Variants in LRRC7 observed in about 807,000 individuals in gnomAD.
LRRC7 encodes the protein leucine-rich repeat-containing protein 7.
LRRC7 carries 23 observed loss-of-function variants against 175.7 expected under a neutral mutation model. The observed-to-expected ratio is 0.13, with a 90% confidence interval of 0.09 to 0.19. The LOEUF (loss-of-function observed/expected upper bound fraction) is 0.19, where lower values mean the gene tolerates loss of function less well. Among genes scored for constraint, LRRC7 ranks in the 10% least tolerant of loss-of-function variants. The pLI, the probability that LRRC7 is intolerant of heterozygous loss-of-function variation, is 1.00. For missense variants in LRRC7, 1,354 were observed against 1,904.7 expected (o/e 0.71, Z 5.38); for synonymous variants, 685 against 680.9 (o/e 1.01, Z -0.09).
At chr1:69,677,242 TTA>T (rs984552724) in intron 1 of LRRC7, among the ~76,000 whole-genome samples, 32 of 146,872 alleles carry the variant, frequency 2.2e-4, no homozygotes, top group African/African-American at 6.6e-4. Flanking sequence ...ATTATATATG[TTA>T]TATATATATC....
chr1:69,717,572 A>C (rs560220503), intron 2 of LRRC7, among the ~76,000 whole-genome samples: 26 of 151,698 alleles, frequency 1.7e-4, no homozygotes, highest in African/African-American at 6.3e-4. Context: ...ATAAAGTGGC[A>C]CACGCTTATC....
chr1:69,964,354 C>A (rs1651447348), intron 8 of LRRC7, among the ~76,000 whole-genome samples: 1 of 152,158 alleles, frequency 6.6e-6, no homozygotes. Flanking sequence ...GAAACTGAGC[C>A]AAGATAAGTC....
In LRRC7 at chr1:70,131,785, T is replaced by C. The variant is rs2102269484; in HGVS notation, c.*9898T>C. Among the ~76,000 whole-genome samples the C allele has an allele frequency of 6.6e-6, 1 of 152,236 alleles. No homozygotes were observed. The highest frequency in any genetic ancestry group is 2.1e-4 in the South Asian group (1 of 4,822). ...ATAGCCCAGTGTCTATACATTTACA[T>C]GGGTAAAAGAATGCCAATGTCTCTT... On this transcript the variant is annotated 3_prime_UTR_variant, in exon 27 of 27. Coordinates refer to ENST00000651989, the MANE Select transcript of LRRC7 (RefSeq NM_001370785.2).
intron 1 of LRRC7, among the ~76,000 whole-genome samples, chr1:69,646,342 A>G (rs999020797): frequency 5.3e-5 from 8 of 152,022 alleles, no homozygotes; most frequent in Admixed American, 5.2e-4. Context: ...ATTTTTCTTC[A>G]TCTTTTTGGA....
intron 8 of LRRC7, among the ~76,000 whole-genome samples, chr1:69,967,744 G>C (rs1242198475): frequency 1.3e-5 from 2 of 152,086 alleles, no homozygotes; most frequent in African/African-American, 4.8e-5. Context: ...ACATTCCTAG[G>C]GAAAGGAGGA....
intron 4 of LRRC7, among the ~76,000 whole-genome samples, chr1:69,808,214 G>A (rs747028217): frequency 2.6e-4 from 40 of 151,166 alleles, no homozygotes; most frequent in Non-Finnish European, 4.3e-4. Context: ...TTTTTTCAAG[G>A]TTCTTAGCTT....
At chr1:69,789,117 C>T (rs1674824415) in intron 3 of LRRC7, among the ~76,000 whole-genome samples, 1 of 152,048 alleles carries the variant, frequency 6.6e-6, no homozygotes, top group African/African-American at 2.4e-5. Flanking sequence ...GAGAAGACAT[C>T]TAACTGCTGT....
Position 70,038,237 on chromosome 1 carries a change from A to G in LRRC7, c.2413A>G (p.Asn805Asp). The G allele has an allele frequency of 1.9e-6, 3 of 1,614,138 alleles. No individual in the cohort carries two copies. Among genetic ancestry groups the G allele is most frequent in the South Asian group, 2.2e-5 (2 of 91,078 alleles). The change falls in exon 21 of 27, where the codon AAC (asparagine) becomes GAC (aspartate). Residue 805 changes from asparagine to aspartate, a missense_variant. Around this residue, in one of 4 missense-constraint regions of LRRC7, gnomAD observed 1,032 missense variants for 1,227.2 expected, o/e 0.84. Transcript: ENST00000651989. ...RLPMSDTFTD[N>D]WTDGSHYDNT... ...GCCCATGAGTGATACTTTCACTGACAACTGGACTGATGGCTCGCATTATGA... is the reference window on the plus strand; with the variant it reads ...GCCCATGAGTGATACTTTCACTGACGACTGGACTGATGGCTCGCATTATGA...
At chr1:69,692,106 C>T (rs1661964095) in intron 2 of LRRC7, among the ~76,000 whole-genome samples, 1 of 152,162 alleles carries the variant, frequency 6.6e-6, no homozygotes, top group Non-Finnish European at 1.5e-5. Flanking sequence ...CACCTAAACA[C>T]AGCAGTACAA....
chr1:69,685,346 G>A (rs902250078), intron 2 of LRRC7, among the ~76,000 whole-genome samples: 2 of 147,946 alleles, frequency 1.4e-5, no homozygotes, highest in African/African-American at 4.9e-5. Flanking sequence ...ATCATACCAT[G>A]AACCAGAAAA....
At chr1:69,584,451 T>G (rs1241013737) in intron 1 of LRRC7, among the ~76,000 whole-genome samples, 4 of 152,104 alleles carry the variant, frequency 2.6e-5, no homozygotes, top group Non-Finnish European at 4.4e-5. Context: ...ATACCAAAGA[T>G]ATGGATTTAA....
chr1:70,058,744 T>A (rs1204852245), intron 23 of LRRC7, among the ~76,000 whole-genome samples: 2 of 152,218 alleles, frequency 1.3e-5, no homozygotes, highest in East Asian at 3.8e-4. Flanking sequence ...TAACTTATCA[T>A]TTTATATTTC....
At chr1:70,016,903 G>C (rs939894890) in intron 14 of LRRC7, among the ~76,000 whole-genome samples, 2 of 151,830 alleles carry the variant, frequency 1.3e-5, no homozygotes, top group Non-Finnish European at 2.9e-5. Flanking sequence ...CCCCACAACA[G>C]GGAATTATTA....
At chr1:69,928,937 T>A (rs1377867141) in intron 7 of LRRC7, among the ~76,000 whole-genome samples, 1 of 152,348 alleles carries the variant, frequency 6.6e-6, no homozygotes, top group South Asian at 2.1e-4. Flanking sequence ...GCTGTTCCTA[T>A]TTGGCCATCT....
At chr1:69,793,273 G>A (rs1412185266) in intron 4 of LRRC7, among the ~76,000 whole-genome samples, 2 of 152,118 alleles carry the variant, frequency 1.3e-5, no homozygotes, top group Non-Finnish European at 2.9e-5. Context: ...AATCTTTGTA[G>A]TTAGGGAAGG....
At chr1:69,747,640 T>C (rs1253568166) in intron 2 of LRRC7, among the ~76,000 whole-genome samples, 2 of 152,174 alleles carry the variant, frequency 1.3e-5, no homozygotes, top group African/African-American at 4.8e-5. Context: ...TCTAAATAAT[T>C]TAATTCAGTA....
chr1:69,637,080 T>TCTCTCTCTC (rs1553130024), intron 1 of LRRC7, among the ~76,000 whole-genome samples: 6,154 of 148,602 alleles, frequency 0.041, 198 homozygotes, highest in Middle Eastern at 0.085. Context: ...CCTTCTCTCT[T>TCTCTCTCTC]TCTCTCTCTC....
chr1:69,785,071 T>A (rs1674248770), intron 3 of LRRC7, among the ~76,000 whole-genome samples: 1 of 152,160 alleles, frequency 6.6e-6, no homozygotes, highest in Admixed American at 6.5e-5. Flanking sequence ...ACAAGCTCAT[T>A]AATTGTAGCC....
intron 1 of LRRC7, among the ~76,000 whole-genome samples, chr1:69,648,737 T>A (rs1655359422): frequency 6.6e-6 from 1 of 152,208 alleles, no homozygotes; most frequent in African/African-American, 2.4e-5. Context: ...TGCCCTCTCT[T>A]GGGCTTCTCA....
Sources: gnomAD v4.1 joint callset for allele counts (sites outside exome capture counted in the v4.1 genomes callset) on GRCh38, gnomAD v4.1.1 for gene constraint, gnomAD v4.1.1 regional missense constraint, MANE v1.5 for transcripts, NCBI Gene and HGNC (gene_info 2026-07-23, HGNC 2026-07-21) for gene names.